PPP3CA: variants seen among roughly 807,000 people sequenced by gnomAD.
PPP3CA encodes the protein protein phosphatase 3 catalytic subunit alpha.
A neutral mutation model predicts 66.5 loss-of-function variants in PPP3CA; 14 were observed. That is an observed-to-expected ratio of 0.21 (90% CI 0.14 to 0.33). PPP3CA has a LOEUF of 0.33. Ranked by LOEUF, PPP3CA falls within the 10% of genes least tolerant of loss-of-function variation. PPP3CA has a pLI of 1.00. For missense variants in PPP3CA, 317 were observed against 639.5 expected (o/e 0.50, Z 5.44); for synonymous variants, 232 against 226.2 (o/e 1.03, Z -0.23).
intron 1 of PPP3CA, among the ~76,000 whole-genome samples, chr4:101,340,671 C>T (rs1229686261): frequency 6.6e-6 from 1 of 152,078 alleles, no homozygotes; most frequent in Non-Finnish European, 1.5e-5. Flanking sequence ...GTCAAGAGTA[C>T]TAAAGACTTA....
chr4:101,121,043 T>C (rs1305069677), intron 2 of PPP3CA, among the ~76,000 whole-genome samples: 3 of 152,074 alleles, frequency 2.0e-5, no homozygotes, highest in African/African-American at 7.2e-5. Flanking sequence ...ACACAGGTGT[T>C]TGGAAAACAT....
intron 1 of PPP3CA, among the ~76,000 whole-genome samples, chr4:101,239,865 T>A (rs1253599299): frequency 6.6e-6 from 1 of 152,016 alleles, no homozygotes; most frequent in Non-Finnish European, 1.5e-5. Flanking sequence ...CATCTCACTC[T>A]TTAGATACAA....
intron 2 of PPP3CA, among the ~76,000 whole-genome samples, chr4:101,175,623 TATTA>T (rs1724035753): frequency 6.6e-6 from 1 of 152,186 alleles, no homozygotes. Flanking sequence ...GATACATGCA[TATTA>T]ATTCTTTGTA....
chr4:101,154,631 C>T, intron 2 of PPP3CA, among the ~76,000 whole-genome samples: 1 of 152,024 alleles, frequency 6.6e-6, no homozygotes, highest in Non-Finnish European at 1.5e-5. Flanking sequence ...TAGACTCTAC[C>T]CAGTGTAATC....
intron 1 of PPP3CA, among the ~76,000 whole-genome samples, chr4:101,285,129 C>T (rs550470135): frequency 6.6e-6 from 1 of 151,950 alleles, no homozygotes; most frequent in Non-Finnish European, 1.5e-5. Context: ...TGTCTCACAC[C>T]TCAATGCACT....
Position 101,025,658 on chromosome 4 carries a change from A to T in PPP3CA, c.*207T>A. 1 of 463,216 alleles carries T rather than the reference A, an allele frequency of 2.2e-6. No homozygotes were observed. Among genetic ancestry groups the T allele is most frequent in the Non-Finnish European group, 3.7e-6 (1 of 267,288 alleles). The allele number at this position is 463,216 out of a possible 1,614,324, so 28.7% of individuals were successfully genotyped here. On this transcript the variant is annotated 3_prime_UTR_variant, in exon 14 of 14. Coordinates refer to ENST00000394854, the MANE Select transcript of PPP3CA (RefSeq NM_000944.5). ...AAAGGCATACCCAAAAGAGGTGTTT[A>T]ATCACCATCCCCACCAAAATATAGT...
intron 1 of PPP3CA, among the ~76,000 whole-genome samples, chr4:101,317,277 C>T (rs1454089262): frequency 6.6e-6 from 1 of 151,878 alleles, no homozygotes; most frequent in African/African-American, 2.4e-5. Flanking sequence ...CACACACACA[C>T]ACACACACAC....
intron 8 of PPP3CA, among the ~76,000 whole-genome samples, chr4:101,075,568 C>A (rs1729150757): frequency 6.6e-6 from 1 of 151,298 alleles, no homozygotes; most frequent in South Asian, 2.2e-4. Flanking sequence ...ACTTTAGATT[C>A]TTTTGAAGCA....
At chr4:101,150,888 C>T (rs1228832801) in intron 2 of PPP3CA, among the ~76,000 whole-genome samples, 1 of 152,144 alleles carries the variant, frequency 6.6e-6, no homozygotes, top group African/African-American at 2.4e-5. Flanking sequence ...CTCCTAAAGT[C>T]CCAGTCCTTA....
chr4:101,047,926 TATG>T (rs1171954285), intron 10 of PPP3CA, among the ~76,000 whole-genome samples: 4 of 152,078 alleles, frequency 2.6e-5, no homozygotes, highest in Non-Finnish European at 4.4e-5. Flanking sequence ...AGCACTAACA[TATG>T]ATAATTATTC....
At chr4:101,283,912 C>T (rs1464594137) in intron 1 of PPP3CA, among the ~76,000 whole-genome samples, 1 of 152,060 alleles carries the variant, frequency 6.6e-6, no homozygotes, top group African/African-American at 2.4e-5. Flanking sequence ...TCGGTTACTC[C>T]CAGGATTCCT....
At chr4:101,142,369 T>C (rs1257483694) in intron 2 of PPP3CA, among the ~76,000 whole-genome samples, 4 of 152,196 alleles carry the variant, frequency 2.6e-5, no homozygotes, top group Non-Finnish European at 2.9e-5. Flanking sequence ...AAAATCGTGA[T>C]ATCGGCAGAG....
chr4:101,153,655 G>A (rs1386329242), intron 2 of PPP3CA, among the ~76,000 whole-genome samples: 1 of 152,140 alleles, frequency 6.6e-6, no homozygotes, highest in Non-Finnish European at 1.5e-5. Flanking sequence ...ACCAAACTAA[G>A]AATCCTATTA....
chr4:101,287,841 A>C, intron 1 of PPP3CA, among the ~76,000 whole-genome samples: 1 of 152,062 alleles, frequency 6.6e-6, no homozygotes, highest in Admixed American at 6.6e-5. Context: ...ACAAACTTTA[A>C]ATTTATATTG....
At chr4:101,132,846 C>T (rs1305845373) in intron 2 of PPP3CA, among the ~76,000 whole-genome samples, 1 of 152,114 alleles carries the variant, frequency 6.6e-6, no homozygotes, top group East Asian at 1.9e-4. Flanking sequence ...TTCAAAAATC[C>T]TCAATAAAAT....
In PPP3CA at chr4:101,141,112, T is replaced by C. The variant is rs1325564536; in HGVS notation, c.260-32034A>G. ...AAACCCTGCAGTGGGCCACACATGG[T>C]GGCTCCCAGTACCTTGGGAGGCCGA... On this transcript the variant is annotated intron_variant, in intron 2 of 13. Transcript: ENST00000394854. Among the ~76,000 whole-genome samples, 4 of 152,128 alleles carry C rather than the reference T, an allele frequency of 2.6e-5. No homozygotes were observed. In the East Asian group the frequency reaches 7.7e-4, roughly 29 times the overall value.
chr4:101,068,708 T>C lies in PPP3CA; in HGVS notation c.956-5351A>G, dbSNP rs184929417. 1.6e-4 allele frequency among the ~76,000 whole-genome samples: 24 copies of C among 152,246 alleles called. No homozygotes were observed. In the East Asian group the frequency reaches 4.6e-3, roughly 29 times the overall value. On this transcript the variant is annotated intron_variant, in intron 8 of 13. Transcript: ENST00000394854. ...TAACTTCCACCTCCTTTTTTTCCCC[T>C]TCAATGTCCTAGTTCTTGCTGGATG...
At chr4:101,264,111 T>C (rs1727093519) in intron 1 of PPP3CA, among the ~76,000 whole-genome samples, 2 of 152,208 alleles carry the variant, frequency 1.3e-5, no homozygotes, top group South Asian at 4.1e-4. Context: ...GATTTCAAAA[T>C]AGACATAAAA....
At chr4:101,210,061 C>T (rs1041263933) in intron 1 of PPP3CA, among the ~76,000 whole-genome samples, 14 of 152,158 alleles carry the variant, frequency 9.2e-5, no homozygotes, top group East Asian at 7.7e-4. Flanking sequence ...AGAAGAAAGG[C>T]CATAATTTAA....
Sources: allele counts gnomAD v4.1 joint callset (sites outside exome capture counted in the v4.1 genomes callset), GRCh38; gene constraint gnomAD v4.1.1; transcripts MANE v1.5; gene names NCBI Gene and HGNC (gene_info 2026-07-23, HGNC 2026-07-21).